FAM193B: variants seen among roughly 807,000 people sequenced by gnomAD.
The protein encoded by FAM193B is protein FAM193B.
In FAM193B, 27 loss-of-function variants were observed where a neutral mutation model predicts 70.7. The observed-to-expected ratio is 0.38, with a 90% CI of 0.28 to 0.53. The LOEUF (loss-of-function observed/expected upper bound fraction) is 0.53. Ranked by LOEUF, FAM193B falls within the 20% of genes least tolerant of loss-of-function variation. The probability of loss-of-function intolerance (pLI) is 0.81; values close to 1 mark genes in which losing one functional copy is unlikely to be tolerated. For synonymous variants in FAM193B, 448 were observed against 436.0 expected (o/e 1.03, Z -0.34); for missense variants, 1,022 against 1,072.5 (o/e 0.95, Z 0.66).
chr5:177,551,133 T>C (rs1766184662), intron 1 of FAM193B, among the ~76,000 whole-genome samples: 1 of 152,088 alleles, frequency 6.6e-6, no homozygotes, highest in Non-Finnish European at 1.5e-5. Flanking sequence ...CCAAGGCCTC[T>C]TGTGAAGTTC....
intron 5 of FAM193B, among the ~76,000 whole-genome samples, chr5:177,529,440 A>G (rs968149811): frequency 6.6e-6 from 1 of 152,096 alleles, no homozygotes; most frequent in African/African-American, 2.4e-5. Flanking sequence ...CACTTGATGC[A>G]TCACGCTGCC....
chr5:177,545,827 T>C (rs1278208031), intron 1 of FAM193B, among the ~76,000 whole-genome samples: 5 of 152,180 alleles, frequency 3.3e-5, no homozygotes, highest in Non-Finnish European at 7.4e-5. Context: ...ATTCATCCCA[T>C]GGATTCTTTT....
intron 1 of FAM193B, 51 bp downstream of exon 1, chr5:177,554,198 C>T (rs917465012): frequency 2.0e-6 from 3 of 1,479,974 alleles, no homozygotes; most frequent in Non-Finnish European, 2.7e-6. Context: ...CGCTCCCGCT[C>T]GGGGAAGGTG....
chr5:177,524,182 C>T lies in FAM193B; in HGVS notation c.2296+3G>A, dbSNP rs905759507. 48 of 1,567,866 alleles carry T rather than the reference C, an allele frequency of 3.1e-5. No individual in the cohort carries two copies. Among genetic ancestry groups the T allele is most frequent in the Non-Finnish European group, 4.1e-5 (47 of 1,155,786 alleles). ...TCAGCCGCTCAGTTCCTGGTGCACT[C>T]ACCCAAGGAGGAGGCTGGCTTCTCC... On this transcript the variant is annotated splice_donor_region_variant and intron_variant, in intron 6 of 8. Transcript: ENST00000514747.
intron 1 of FAM193B, chr5:177,552,127 T>G (rs2127495715): frequency 1.1e-6 from 1 of 934,488 alleles, no homozygotes; most frequent in Non-Finnish European, 1.3e-6. Context: ...TTTCTGTTTC[T>G]TCATCTGAAA....
At chr5:177,542,803 C>T (rs1034231175) in intron 1 of FAM193B, among the ~76,000 whole-genome samples, 9 of 152,194 alleles carry the variant, frequency 5.9e-5, no homozygotes, top group African/African-American at 2.2e-4. Context: ...GTGTCTTCTG[C>T]ACAATTTATT....
At chr5:177,531,899 C>G (rs1763522485) in intron 5 of FAM193B, 1 of 1,192,088 alleles carries the variant, frequency 8.4e-7, no homozygotes, top group Non-Finnish European at 1.1e-6. Flanking sequence ...TAATTACTTT[C>G]ATTTCTTCTA....
rs1262555178 is a variant in FAM193B at position 177,532,427 on chromosome 5, G to T, written c.1275+16C>A. On this transcript the variant is annotated intron_variant, in intron 5 of 8. Coordinates refer to ENST00000514747, the MANE Select transcript of FAM193B (RefSeq NM_001190946.3). The surrounding 1 kb of genome is among the most constrained non-coding windows in gnomAD (Gnocchi z 4.9). ...GCTGGCCCCCAGCCCTCTCTAGCCT[G>T]GGCAGGCTCACTCACCGCATTGTGG... is the stretch of plus-strand genomic sequence containing the variant. 6.2e-7 allele frequency: 1 copy of T among 1,604,832 alleles called. No homozygotes were observed. The highest frequency in any genetic ancestry group is 2.2e-5 in the East Asian group (1 of 44,652).
intron 1 of FAM193B, among the ~76,000 whole-genome samples, chr5:177,546,190 C>CT (rs1349259274): frequency 6.6e-6 from 1 of 152,246 alleles, no homozygotes; most frequent in Non-Finnish European, 1.5e-5. Flanking sequence ...AACATCTACC[C>CT]TTGACAATTC....
rs1021223916 is a variant in FAM193B, at chr5:177,553,103, T to C, written c.210+1146A>G. The C allele has an allele frequency of 1.9e-5, 17 of 912,266 alleles. No homozygotes were observed. The South Asian group carries it at 4.0e-4, about 22-fold the overall frequency. The allele number at this position is 912,266 out of a possible 1,614,324, so 56.5% of individuals were successfully genotyped here. On this transcript the variant is annotated intron_variant, in intron 1 of 8. Coordinates refer to ENST00000514747, the MANE Select transcript of FAM193B (RefSeq NM_001190946.3). ...GGGCTGTGGGCACAGAGAGGGCACC[T>C]GACGCAACTGGGGAGGTCAGGGGAG...
chr5:177,532,218 A>G lies in FAM193B; in HGVS notation c.1275+225T>C. 9.3e-6 allele frequency: 14 copies of G among 1,506,126 alleles called. No homozygotes were observed. Among genetic ancestry groups the G allele is most frequent in the Non-Finnish European group, 1.1e-5 (12 of 1,131,876 alleles). 93.3% of individuals were successfully genotyped at this position (1,506,126 alleles called of 1,614,324 possible). A position where few individuals can be genotyped will look rare whatever the true frequency, so the allele number is the denominator to read the frequency against. On this transcript the variant is annotated intron_variant, in intron 5 of 8. Transcript: ENST00000514747. This position sits in a 1 kb window ranked among gnomAD's most constrained non-coding sequence, Gnocchi z 4.9. Reference sequence around the variant, plus strand: ...CCTTTTGCCTAAGGAAAAAAAGTCAATCTTAAGAGAAACCATGAGAAGAGC... The same window carrying G: ...CCTTTTGCCTAAGGAAAAAAAGTCAGTCTTAAGAGAAACCATGAGAAGAGC...
intron 1 of FAM193B, 89 bp downstream of exon 1, chr5:177,554,160 T>C (rs1360798101): frequency 8.3e-6 from 12 of 1,452,694 alleles, no homozygotes; most frequent in Non-Finnish European, 1.0e-5. Context: ...CGCGGCAGGA[T>C]GGCCCATCCC....
chr5:177,543,801 C>T lies in FAM193B; in HGVS notation c.211-4654G>A, dbSNP rs576399483. Among the ~76,000 whole-genome samples, 188 of 152,346 alleles carry T rather than the reference C, an allele frequency of 1.2e-3. 1 individual carries two copies. Among genetic ancestry groups the T allele is most frequent in the African/African-American group, 4.3e-3 (180 of 41,572 alleles). ...CATGACCCCTTATGCCCTGAAAAGT[C>T]GGTCAACCCAGACTTTCAATCAGCT... is the stretch of plus-strand genomic sequence containing the variant. On this transcript the variant is annotated intron_variant, in intron 1 of 8. Coordinates refer to ENST00000514747, the MANE Select transcript of FAM193B (RefSeq NM_001190946.3).
chr5:177,553,939 C>T (rs927905352), intron 1 of FAM193B: 4 of 1,233,542 alleles, frequency 3.2e-6, no homozygotes, highest in Admixed American at 3.3e-5. Flanking sequence ...AGCGGAGCTG[C>T]GGCCTCGGGA....
intron 5 of FAM193B, chr5:177,531,171 C>A: frequency 1.1e-5 from 12 of 1,137,232 alleles, no homozygotes; most frequent in Non-Finnish European, 1.4e-5. Flanking sequence ...AACAGTGAGC[C>A]AAGCTGAGGC....
chr5:177,537,226 T>C (rs1764282389), intron 3 of FAM193B, among the ~76,000 whole-genome samples: 1 of 152,160 alleles, frequency 6.6e-6, no homozygotes. Flanking sequence ...TGTACCAAAA[T>C]TAATGGAATT....
chr5:177,530,554 G>A lies in FAM193B; in HGVS notation c.1275+1889C>T, dbSNP rs567082136. Among the ~76,000 whole-genome samples, 222 of 152,254 alleles carry A rather than the reference G, an allele frequency of 1.5e-3. 4 individuals carry two copies. The highest frequency in any genetic ancestry group is 7.0e-3 in the South Asian group (34 of 4,830). ...GCCTGCGTTTCCTGCCTGAGGCATC[G>A]AACTCGAGGTCTTCCTGCCTGGAAT... On this transcript the variant is annotated intron_variant, in intron 5 of 8. Coordinates refer to ENST00000514747, the MANE Select transcript of FAM193B (RefSeq NM_001190946.3).
chr5:177,549,148 G>A (rs1039405191), intron 1 of FAM193B, among the ~76,000 whole-genome samples: 1 of 150,214 alleles, frequency 6.7e-6, no homozygotes, highest in Non-Finnish European at 1.5e-5. Flanking sequence ...CGCACTTGTT[G>A]GACCCTAACA....
Position 177,537,954 on chromosome 5 carries a change from T to C in FAM193B, c.607A>G (p.Lys203Glu). The change falls in exon 3 of 9, where the codon AAG becomes GAG. Residue 203 changes from lysine to glutamate, a missense_variant. Coordinates refer to ENST00000514747, the MANE Select transcript of FAM193B (RefSeq NM_001190946.3). ...GGGGAATTCCAGAGGCCCGAGAGCT[T>C]ATGTGCCGACAGGAACGAGCTAGGA... is the stretch of plus-strand genomic sequence containing the variant. ...WDPSSFLSAH[K>E]LSGLWNSPHS... 6.4e-7 allele frequency: 1 copy of C among 1,574,378 alleles called. No homozygotes were observed. Among genetic ancestry groups the C allele is most frequent in the Non-Finnish European group, 8.6e-7 (1 of 1,159,878 alleles).
Sources: gnomAD v4.1 joint callset for allele counts (sites outside exome capture counted in the v4.1 genomes callset) on GRCh38, gnomAD v4.1.1 for gene constraint, Gnocchi (gnomAD v3.1) non-coding constraint, MANE v1.5 for transcripts, NCBI Gene and HGNC (gene_info 2026-07-23, HGNC 2026-07-21) for gene names.